TJP1: variants seen among roughly 807,000 people sequenced by gnomAD.
TJP1 encodes the protein tight junction protein 1.
TJP1 carries 43 observed loss-of-function variants against 194.2 expected under a neutral mutation model. The ratio of observed to expected loss-of-function variants is 0.22; its 90% CI spans 0.17 to 0.29. The LOEUF (loss-of-function observed/expected upper bound fraction) is 0.29, where lower values mean the gene tolerates loss of function less well. TJP1 is among the 10% of genes least tolerant of loss of function. The pLI, the probability that TJP1 is intolerant of heterozygous loss-of-function variation, is 1.00. For missense variants in TJP1, 1,971 were observed against 2,185.7 expected (o/e 0.90, Z 1.96); for synonymous variants, 801 against 779.0 (o/e 1.03, Z -0.47).
chr15:29,854,506 A>T (rs2051768489), intron 2 of TJP1, among the ~76,000 whole-genome samples: 1 of 152,084 alleles, frequency 6.6e-6, no homozygotes, highest in East Asian at 1.9e-4. Context: ...GATTAGAGAG[A>T]TATGACCACA....
intron 4 of TJP1, among the ~76,000 whole-genome samples, chr15:29,767,543 G>A (rs2046401633): frequency 1.3e-5 from 2 of 151,986 alleles, no homozygotes; most frequent in African/African-American, 4.8e-5. Flanking sequence ...ACAAACTCCA[G>A]TCCTATTATT....
At chr15:29,791,673 G>T (rs555310652) in intron 2 of TJP1, among the ~76,000 whole-genome samples, 1 of 151,884 alleles carries the variant, frequency 6.6e-6, no homozygotes, top group Non-Finnish European at 1.5e-5. Flanking sequence ...GATTACAGGC[G>T]TGAGCCACCA....
chr15:29,729,758 TG>T (rs1439865349), intron 15 of TJP1, among the ~76,000 whole-genome samples: 1 of 150,368 alleles, frequency 6.7e-6, no homozygotes, highest in Non-Finnish European at 1.5e-5. Context: ...AGGTGAAACT[TG>T]GAGCCTGGAT....
intron 2 of TJP1, among the ~76,000 whole-genome samples, chr15:29,907,824 G>C (rs56658700): frequency 1.3e-5 from 2 of 151,694 alleles, no homozygotes; most frequent in Admixed American, 1.3e-4. Context: ...CTGGCAACCT[G>C]TCTCCCTATG....
At chr15:29,885,261 C>G (rs1388502773) in intron 2 of TJP1, among the ~76,000 whole-genome samples, 1 of 152,150 alleles carries the variant, frequency 6.6e-6, no homozygotes. Context: ...TGGCAATCTC[C>G]CTGGGGTCAG....
chr15:29,724,361 A>C (rs911429454), intron 18 of TJP1, among the ~76,000 whole-genome samples: 16 of 152,240 alleles, frequency 1.1e-4, no homozygotes, highest in Non-Finnish European at 2.2e-4. Flanking sequence ...CTGTTGCAGA[A>C]GAAAAGTCTT....
intron 23 of TJP1, among the ~76,000 whole-genome samples, chr15:29,716,191 CAAAAACA>C (rs1324682573): frequency 6.6e-6 from 1 of 152,004 alleles, no homozygotes; most frequent in Non-Finnish European, 1.5e-5. Flanking sequence ...AGAAATCTTA[CAAAAACA>C]AAAAACAAAA....
chr15:29,756,462 T>C (rs1046253921), intron 8 of TJP1, among the ~76,000 whole-genome samples: 1 of 152,224 alleles, frequency 6.6e-6, no homozygotes, highest in Non-Finnish European at 1.5e-5. Context: ...TTCTTGATTA[T>C]GCCATTGTGG....
intron 26 of TJP1, among the ~76,000 whole-genome samples, chr15:29,704,749 C>T (rs976835091): frequency 6.6e-6 from 1 of 152,056 alleles, no homozygotes; most frequent in Non-Finnish European, 1.5e-5. Flanking sequence ...GTGCTTGTTG[C>T]GAATGTGATA....
intron 2 of TJP1, among the ~76,000 whole-genome samples, chr15:29,942,994 G>A (rs949767340): frequency 3.9e-5 from 6 of 152,184 alleles, no homozygotes; most frequent in African/African-American, 1.2e-4. Context: ...GATACAAGAA[G>A]GAACAAACTA....
chr15:29,870,103 G>A (rs1474174342), intron 2 of TJP1, among the ~76,000 whole-genome samples: 4 of 137,860 alleles, frequency 2.9e-5, no homozygotes, highest in Non-Finnish European at 6.2e-5. Context: ...GCCTCCCAAA[G>A]TGCTGGGATT....
At chr15:29,850,966 T>C (rs991492578) in intron 2 of TJP1, among the ~76,000 whole-genome samples, 2 of 152,036 alleles carry the variant, frequency 1.3e-5, no homozygotes, top group Non-Finnish European at 2.9e-5. Flanking sequence ...GGTGAAACGC[T>C]GTCTCTACTA....
chr15:29,795,295 T>C (rs1567042980), intron 2 of TJP1, among the ~76,000 whole-genome samples: 1 of 151,596 alleles, frequency 6.6e-6, no homozygotes, highest in South Asian at 2.1e-4. Flanking sequence ...TGGTGGTGCA[T>C]GCTTACAGTC....
chr15:29,916,737 G>C (rs1035648923), intron 2 of TJP1, among the ~76,000 whole-genome samples: 1 of 152,136 alleles, frequency 6.6e-6, no homozygotes, highest in Non-Finnish European at 1.5e-5. Context: ...CACATTTATA[G>C]AGCAAATGTA....
intron 2 of TJP1, among the ~76,000 whole-genome samples, chr15:29,927,067 C>T (rs1385666746): frequency 6.6e-6 from 1 of 152,084 alleles, no homozygotes; most frequent in Admixed American, 6.5e-5. Context: ...AAATACAAAG[C>T]ATAGAAAAAC....
At chr15:29,918,543 T>A (rs1330264372) in intron 2 of TJP1, among the ~76,000 whole-genome samples, 2 of 152,082 alleles carry the variant, frequency 1.3e-5, no homozygotes, top group Admixed American at 6.5e-5. Context: ...CAGACCAGCC[T>A]GGGCAATGTG....
chr15:29,822,556 G>T, upstream of TJP1: 1 of 870,888 alleles, frequency 1.1e-6, no homozygotes, highest in Non-Finnish European at 1.4e-6. Flanking sequence ...CGGGGAGGGG[G>T]CGGGGCCGCG....
chr15:29,722,457 C>T (rs182007896), intron 18 of TJP1, among the ~76,000 whole-genome samples: 7 of 152,292 alleles, frequency 4.6e-5, no homozygotes, highest in East Asian at 3.9e-4. Flanking sequence ...GCTAAGTCTG[C>T]GGGTGCACAG....
At chr15:29,890,485 G>C (rs1319263508) in intron 2 of TJP1, among the ~76,000 whole-genome samples, 1 of 152,150 alleles carries the variant, frequency 6.6e-6, no homozygotes, top group African/African-American at 2.4e-5. Context: ...TGCAGCCATT[G>C]TTGGTGTAGT....
Sources: allele counts gnomAD v4.1 joint callset (sites outside exome capture counted in the v4.1 genomes callset), GRCh38; gene constraint gnomAD v4.1.1; transcripts MANE v1.5; gene names NCBI Gene and HGNC (gene_info 2026-07-23, HGNC 2026-07-21).